Variants in CD82 observed in about 807,000 individuals in gnomAD.
CD82 encodes CD82 molecule, also known as CD82 antigen.
Under a neutral mutation model 37.4 loss-of-function variants are expected in CD82, and 36 were observed. That is an observed-to-expected ratio of 0.96 (90% CI 0.74 to 1.27). The LOEUF is 1.27. CD82 is among the 50% of genes most tolerant of loss of function. The probability of loss-of-function intolerance (pLI) is 0.00; values close to 1 mark genes in which losing one functional copy is unlikely to be tolerated. For synonymous variants in CD82, 158 were observed against 137.4 expected, an observed-to-expected ratio of 1.15 and a Z score of -1.05; for missense variants, 340 against 347.0, an observed-to-expected ratio of 0.98 and a Z score of 0.16.
At chr11:44,574,306 G>A (rs568224814) in intron 1 of CD82, among the ~76,000 whole-genome samples, 9 of 152,220 alleles carry the variant, frequency 5.9e-5, no homozygotes, top group East Asian at 3.9e-4. Context: ...GCCTTTGCTC[G>A]CACACCTCAA....
intron 2 of CD82, among the ~76,000 whole-genome samples, chr11:44,590,183 C>T (rs1251001173): frequency 3.3e-5 from 5 of 150,494 alleles, no homozygotes; most frequent in African/African-American, 1.2e-4. Flanking sequence ...TGATCCTCTA[C>T]ACCAGGGGCC....
chr11:44,577,853 C>T (rs1382107325), intron 1 of CD82, among the ~76,000 whole-genome samples: 1 of 152,204 alleles, frequency 6.6e-6, no homozygotes, highest in African/African-American at 2.4e-5. Flanking sequence ...CGGGTTGGGC[C>T]TTGGCCTAAG....
intron 1 of CD82, among the ~76,000 whole-genome samples, chr11:44,579,553 C>T (rs1464533569): frequency 6.6e-6 from 1 of 152,160 alleles, no homozygotes; most frequent in Admixed American, 6.5e-5. Flanking sequence ...GTCCCGGCCT[C>T]TCTCACTCCC....
intron 4 of CD82, among the ~76,000 whole-genome samples, chr11:44,601,710 T>C (rs1853312353): frequency 6.6e-6 from 1 of 152,160 alleles, no homozygotes; most frequent in African/African-American, 2.4e-5. Flanking sequence ...AAAGGTCTAC[T>C]ATCTGCAGGA....
intron 4 of CD82, among the ~76,000 whole-genome samples, chr11:44,600,702 G>A (rs1853295738): frequency 6.6e-6 from 1 of 152,194 alleles, no homozygotes; most frequent in Non-Finnish European, 1.5e-5. Flanking sequence ...GCACAGATGA[G>A]GAAGGTTCCA....
chr11:44,617,905 C>G (rs1853589001), intron 7 of CD82, among the ~76,000 whole-genome samples: 1 of 152,238 alleles, frequency 6.6e-6, no homozygotes, highest in Non-Finnish European at 1.5e-5. Flanking sequence ...TGTGAACTGT[C>G]TGCCGTCCAT....
chr11:44,572,920 C>T (rs1329623806), intron 1 of CD82, among the ~76,000 whole-genome samples: 7 of 152,208 alleles, frequency 4.6e-5, no homozygotes, highest in Non-Finnish European at 5.9e-5. Flanking sequence ...TTACCCGTCC[C>T]GCCACAGGAC....
intron 4 of CD82, among the ~76,000 whole-genome samples, chr11:44,603,656 C>G (rs1173561897): frequency 1.3e-5 from 2 of 152,212 alleles, no homozygotes; most frequent in Non-Finnish European, 2.9e-5. Flanking sequence ...CAGGTGCGTC[C>G]CATGCCCTGG....
Position 44,619,123 on chromosome 11 carries a change from C to G in CD82, c.801C>G (p.Tyr267Ter). 1.2e-6 allele frequency: 2 copies of G among 1,612,982 alleles called. No homozygotes were observed. The highest frequency in any genetic ancestry group is 2.2e-5 in the South Asian group (2 of 91,052). ...HSEDYSKVPK[Y>*] ...AAGACTACAGCAAGGTCCCCAAGTA[C>G]TGAGGCAGCTGCTATCCCCATCTCC... is the stretch of plus-strand genomic sequence containing the variant. The change falls in exon 10 of 10, where the codon TAC becomes TAG. Residue 267 changes from tyrosine to a stop codon, truncating the protein, a stop_gained. Transcript: ENST00000227155. LOFTEE classifies it high-confidence loss of function.
At chr11:44,571,611 A>T (rs909110071) in intron 1 of CD82, among the ~76,000 whole-genome samples, 1 of 151,748 alleles carries the variant, frequency 6.6e-6, no homozygotes, top group South Asian at 2.1e-4. Flanking sequence ...GTCTCACTGT[A>T]TTGCTGAGGC....
At chr11:44,596,106 C>T (rs1327809778) in intron 3 of CD82, among the ~76,000 whole-genome samples, 1 of 152,222 alleles carries the variant, frequency 6.6e-6, no homozygotes, top group African/African-American at 2.4e-5. Context: ...TCCTGGAGGA[C>T]CCTGTGAGGC....
At position 44,600,076 on chromosome 11, in the gene CD82, C is replaced by G. The variant is rs920257157; in HGVS notation, c.64-82C>G. ...TCTGTGGCCCCCTGCCCTGCCCACC[C>G]TGACTTGGGTTCCAGGGACAGCTGG... On this transcript the variant is annotated intron_variant, in intron 3 of 9. Transcript: ENST00000227155. The G allele has an allele frequency of 5.5e-6, 8 of 1,446,756 alleles. No individual in the cohort carries two copies. The African/African-American group carries it at 9.7e-5, about 18-fold the overall frequency. 89.6% of individuals were successfully genotyped at this position (1,446,756 alleles called of 1,614,324 possible).
At chr11:44,603,207 TG>T (rs989611529) in intron 4 of CD82, among the ~76,000 whole-genome samples, 1 of 151,884 alleles carries the variant, frequency 6.6e-6, no homozygotes, top group Non-Finnish European at 1.5e-5. Context: ...CTGAGGAAGG[TG>T]GGGGGCTCCT....
chr11:44,589,629 G>T (rs562913050), intron 2 of CD82, among the ~76,000 whole-genome samples: 1 of 152,208 alleles, frequency 6.6e-6, no homozygotes, highest in Non-Finnish European at 1.5e-5. Flanking sequence ...CGGGAGTCCA[G>T]TTGGGAGTTC....
chr11:44,586,503 AT>A (rs1853056897), intron 1 of CD82, among the ~76,000 whole-genome samples: 1 of 152,182 alleles, frequency 6.6e-6, no homozygotes, highest in Admixed American at 6.5e-5. Context: ...TTTCTACAAA[AT>A]AATCAGCCAG....
chr11:44,605,485 G>A, intron 6 of CD82, 56 bp downstream of exon 6: 1 of 1,521,240 alleles, frequency 6.6e-7, no homozygotes. Flanking sequence ...GGGGGTGATT[G>A]ACTGAGTGTG....
chr11:44,618,697 G>T lies in CD82; in HGVS notation c.700G>T (p.Val234Leu). Residue 234 changes from valine to leucine, a missense_variant, in exon 9 of 10, where the codon GTG (valine) becomes TTG (leucine). Physicochemically the swap from Val to Leu is conservative, Grantham distance 32. Transcript: ENST00000227155. The stretch of plus-strand genomic sequence containing the variant: ...GGAGAACCTGGGCATCATCCTCGGC[G>T]TGGGCGTGGGTGTGGCCATCATCGA... ...LQENLGIILG[V>L]GVGVAIIELL... 1 of 1,613,332 alleles carries T rather than the reference G, an allele frequency of 6.2e-7. No homozygotes were observed.
chr11:44,609,521 G>T (rs1274596101), intron 6 of CD82, among the ~76,000 whole-genome samples: 1 of 152,118 alleles, frequency 6.6e-6, no homozygotes, highest in Non-Finnish European at 1.5e-5. Context: ...GGCAGTGGCT[G>T]GCCAGACAAC....
At chr11:44,617,882 T>C (rs1009943092) in intron 7 of CD82, among the ~76,000 whole-genome samples, 2 of 152,216 alleles carry the variant, frequency 1.3e-5, no homozygotes, top group African/African-American at 4.8e-5. Context: ...TAGCCTGACT[T>C]TAAACCCTGC....
Sources: gnomAD v4.1 joint callset for allele counts (sites outside exome capture counted in the v4.1 genomes callset) on GRCh38, gnomAD v4.1.1 for gene constraint, MANE v1.5 for transcripts, NCBI Gene and HGNC (gene_info 2026-07-23, HGNC 2026-07-21) for gene names.